CTNND2: variants seen among roughly 807,000 people sequenced by gnomAD.
CTNND2 encodes the protein catenin delta-2.
CTNND2 carries 22 observed loss-of-function variants against 144.4 expected under a neutral mutation model. That is an observed-to-expected ratio of 0.15 (90% confidence interval 0.11 to 0.22). The LOEUF (loss-of-function observed/expected upper bound fraction) is 0.22. Ranked by LOEUF, CTNND2 falls within the 10% of genes least tolerant of loss-of-function variation. The pLI is 1.00. For synonymous variants in CTNND2, 751 were observed against 695.6 expected, an observed-to-expected ratio of 1.08 and a Z score of -1.25; for missense variants, 1,353 against 1,618.8, an observed-to-expected ratio of 0.84 and a Z score of 2.82.
At chr5:11,660,380 G>A (rs570816043) in intron 2 of CTNND2, among the ~76,000 whole-genome samples, 13 of 152,190 alleles carry the variant, frequency 8.5e-5, no homozygotes, top group African/African-American at 2.9e-4. Flanking sequence ...AACAATCACC[G>A]GACAGAAGGG....
intron 20 of CTNND2, among the ~76,000 whole-genome samples, chr5:10,984,888 A>G (rs1355872638): frequency 6.6e-6 from 1 of 152,060 alleles, no homozygotes; most frequent in East Asian, 1.9e-4. Context: ...AGCCTGGCCA[A>G]CATGGTTAAA....
At chr5:11,455,531 A>G (rs1765660275) in intron 3 of CTNND2, among the ~76,000 whole-genome samples, 1 of 152,238 alleles carries the variant, frequency 6.6e-6, no homozygotes, top group African/African-American at 2.4e-5. Context: ...TTCCAAGTAT[A>G]CACCAGAAAT....
At chr5:11,496,168 G>A (rs535626886) in intron 3 of CTNND2, among the ~76,000 whole-genome samples, 10 of 152,238 alleles carry the variant, frequency 6.6e-5, no homozygotes, top group African/African-American at 2.4e-4. Flanking sequence ...ACTCTGCCAA[G>A]GGTATTTCTA....
At chr5:11,196,671 AC>A (rs1198073376) in intron 11 of CTNND2, among the ~76,000 whole-genome samples, 1 of 151,766 alleles carries the variant, frequency 6.6e-6, no homozygotes, top group Non-Finnish European at 1.5e-5. Flanking sequence ...GGAGTCATCC[AC>A]TCCCTTGCGG....
chr5:11,845,359 A>C (rs903842139), intron 1 of CTNND2, among the ~76,000 whole-genome samples: 1 of 152,212 alleles, frequency 6.6e-6, no homozygotes, highest in Admixed American at 6.5e-5. Context: ...ATGTCCTCCC[A>C]AAAATCATAG....
At chr5:11,132,084 C>G (rs182329402) in intron 12 of CTNND2, among the ~76,000 whole-genome samples, 1 of 152,346 alleles carries the variant, frequency 6.6e-6, no homozygotes, top group African/African-American at 2.4e-5. Context: ...TGCATATACT[C>G]TCACATACTC....
intron 9 of CTNND2, among the ~76,000 whole-genome samples, chr5:11,299,467 C>T (rs545068282): frequency 6.6e-6 from 1 of 152,260 alleles, no homozygotes; most frequent in African/African-American, 2.4e-5. Flanking sequence ...ATTTCACATG[C>T]ATCAAGGAGG....
At position 11,205,416 on chromosome 5, in the gene CTNND2, C is replaced by T. The variant is rs144532010; in HGVS notation, c.1762-5755G>A. ...AACTGTTATTTTTCAATGGTACTGG[C>T]TTTGAAAAAGCTTTTTAAAATGATA... On this transcript the variant is annotated intron_variant, in intron 10 of 21. Transcript: ENST00000304623. Among the ~76,000 whole-genome samples, 1,190 of 152,214 alleles carry T rather than the reference C, an allele frequency of 7.8e-3. 18 individuals carry two copies. Among genetic ancestry groups the T allele is most frequent in the African/African-American group, 0.027 (1,112 of 41,550 alleles).
At chr5:11,514,837 C>A (rs975327837) in intron 3 of CTNND2, among the ~76,000 whole-genome samples, 7 of 152,208 alleles carry the variant, frequency 4.6e-5, no homozygotes, top group African/African-American at 1.7e-4. Context: ...TAGTCCCGCT[C>A]TGTCGCCCAA....
Position 11,263,045 on chromosome 5 carries a change from A to G in CTNND2, c.1629-26222T>C, listed in dbSNP as rs557918698. ...AGGTGAAAGAAAACTTGATGCCCAC[A>G]TAAGTGCAACTTTCACCTGAAATGT... On this transcript the variant is annotated intron_variant, in intron 9 of 21. Coordinates refer to ENST00000304623, the MANE Select transcript of CTNND2 (RefSeq NM_001332.4). 7.6e-4 allele frequency among the ~76,000 whole-genome samples: 116 copies of G among 152,344 alleles called. No homozygotes were observed. The South Asian group carries it at 0.021, about 28-fold the overall frequency.
intron 3 of CTNND2, among the ~76,000 whole-genome samples, chr5:11,444,725 G>T (rs1440305583): frequency 1.3e-5 from 2 of 152,066 alleles, no homozygotes; most frequent in African/African-American, 4.8e-5. Flanking sequence ...AAATAAAAAA[G>T]ATGAATGGTG....
intron 3 of CTNND2, among the ~76,000 whole-genome samples, chr5:11,454,081 C>G: frequency 6.6e-6 from 1 of 152,142 alleles, no homozygotes. Context: ...ATGAGTTTTC[C>G]TATATTTTCT....
chr5:11,416,330 T>C (rs1453038689), intron 3 of CTNND2, among the ~76,000 whole-genome samples: 1 of 152,190 alleles, frequency 6.6e-6, no homozygotes, highest in Non-Finnish European at 1.5e-5. Context: ...TGGAAGTGAA[T>C]ATAAAACTGT....
chr5:11,037,153 C>A (rs1744167048), intron 16 of CTNND2, among the ~76,000 whole-genome samples: 2 of 152,176 alleles, frequency 1.3e-5, no homozygotes, highest in Admixed American at 6.5e-5. Flanking sequence ...AATTAAAAGG[C>A]CATGGAGATT....
Position 11,082,865 on chromosome 5 carries a change from C to A in CTNND2, c.2638-19G>T. 6.2e-7 allele frequency: 1 copy of A among 1,611,930 alleles called. No homozygotes were observed. On this transcript the variant is annotated intron_variant, in intron 15 of 21. Coordinates refer to ENST00000304623, the MANE Select transcript of CTNND2 (RefSeq NM_001332.4). ...CTGACCACTGCAAAAACAGGGAAGGCGAAGGGCGTTAGAAACAGGAAGAAA... is the reference window on the plus strand; with the variant it reads ...CTGACCACTGCAAAAACAGGGAAGGAGAAGGGCGTTAGAAACAGGAAGAAA...
intron 3 of CTNND2, among the ~76,000 whole-genome samples, chr5:11,479,902 A>G (rs1349400711): frequency 6.6e-6 from 1 of 152,120 alleles, no homozygotes; most frequent in Non-Finnish European, 1.5e-5. Flanking sequence ...TAGATGTTGA[A>G]TATTGGATCT....
rs1784535895 is a variant in CTNND2 at position 11,684,044 on chromosome 5, T to C, written c.174+48092A>G. Among the ~76,000 whole-genome samples the C allele has an allele frequency of 2.6e-5, 4 of 152,244 alleles. No homozygotes were observed. In the South Asian group the frequency reaches 8.3e-4, roughly 31 times the overall value. ...TATACCATTATGATGTCGATCCACTTTTAATCAAGACAGACAGCTACTATT... is the reference window on the plus strand; with the variant it reads ...TATACCATTATGATGTCGATCCACTCTTAATCAAGACAGACAGCTACTATT... On this transcript the variant is annotated intron_variant, in intron 2 of 21. Transcript: ENST00000304623.
chr5:11,645,179 T>C (rs1019757239), intron 2 of CTNND2, among the ~76,000 whole-genome samples: 3 of 152,062 alleles, frequency 2.0e-5, no homozygotes, highest in Non-Finnish European at 2.9e-5. Context: ...TTACCCAAGT[T>C]GGTCTTGAAC....
chr5:11,432,741 G>A (rs990865826), intron 3 of CTNND2, among the ~76,000 whole-genome samples: 1 of 152,092 alleles, frequency 6.6e-6, no homozygotes, highest in African/African-American at 2.4e-5. Context: ...GGGGCACTTC[G>A]TTTTGGATTC....
Sources: allele counts gnomAD v4.1 joint callset (sites outside exome capture counted in the v4.1 genomes callset), GRCh38; gene constraint gnomAD v4.1.1; transcripts MANE v1.5; gene names NCBI Gene and HGNC (gene_info 2026-07-23, HGNC 2026-07-21).